The following WDHD1 variants were observed in gnomAD, a reference collection of about 807,000 sequenced individuals.
WDHD1 encodes WD repeat and HMG-box DNA binding protein 1, also known as WD repeat and HMG-box DNA-binding protein 1.
Under a neutral mutation model 135.4 loss-of-function variants are expected in WDHD1, and 111 were observed. That is an observed-to-expected ratio of 0.82 (90% CI 0.70 to 0.96). WDHD1 has a LOEUF of 0.96. Among genes scored for constraint, WDHD1 ranks in the 40% least tolerant of loss-of-function variants. WDHD1 has a pLI of 0.00. For missense variants in WDHD1, 1,351 were observed against 1,336.3 expected (o/e 1.01, Z -0.17); for synonymous variants, 434 against 439.0 (o/e 0.99, Z 0.14).
chr14:55,022,326 T>C (rs1475764141), intron 2 of WDHD1, among the ~76,000 whole-genome samples: 1 of 152,168 alleles, frequency 6.6e-6, no homozygotes, highest in Non-Finnish European at 1.5e-5. Flanking sequence ...TAATGGCAGT[T>C]CTGATCACAA....
chr14:54,951,585 T>G lies in WDHD1; in HGVS notation c.3050+3976A>C, dbSNP rs374442283. 3.9e-5 allele frequency among the ~76,000 whole-genome samples: 6 copies of G among 152,118 alleles called. No homozygotes were observed. The East Asian group carries it at 7.7e-4, about 20-fold the overall frequency. ...CTACCAGAGGTACAAGGAGGAGCTG[T>G]TACCATTCCTTCTGAAACTATTCCA... On this transcript the variant is annotated intron_variant, in intron 24 of 25. Coordinates refer to ENST00000360586, the MANE Select transcript of WDHD1 (RefSeq NM_007086.4).
chr14:54,947,413 A>G (rs1313275307), intron 24 of WDHD1, among the ~76,000 whole-genome samples: 2 of 152,212 alleles, frequency 1.3e-5, no homozygotes, highest in Non-Finnish European at 2.9e-5. Context: ...TCACTGTTTA[A>G]GACCTAAATT....
chr14:54,979,401 C>T (rs550147193), intron 16 of WDHD1, among the ~76,000 whole-genome samples: 2 of 152,322 alleles, frequency 1.3e-5, no homozygotes, highest in African/African-American at 4.8e-5. Flanking sequence ...AGCATTCCTC[C>T]CGCCTTGGGC....
At chr14:55,002,058 A>G (rs1335002403) in intron 8 of WDHD1, 35 bp downstream of exon 8, 16 of 1,465,904 alleles carry the variant, frequency 1.1e-5, no homozygotes, top group Non-Finnish European at 1.5e-5. Context: ...ACTGCTCCTT[A>G]TAGCCCACTG....
chr14:54,964,217 T>C (rs1425971863), intron 18 of WDHD1, among the ~76,000 whole-genome samples: 2 of 152,224 alleles, frequency 1.3e-5, no homozygotes, highest in Non-Finnish European at 2.9e-5. Context: ...ACTTAGATAT[T>C]CCATGTCTGA....
intron 16 of WDHD1, among the ~76,000 whole-genome samples, chr14:54,978,158 T>C (rs891821678): frequency 6.6e-6 from 1 of 152,204 alleles, no homozygotes; most frequent in Non-Finnish European, 1.5e-5. Flanking sequence ...AAAATCCTCA[T>C]AGGTTCAAAC....
intron 2 of WDHD1, among the ~76,000 whole-genome samples, chr14:55,018,796 C>T (rs2042299063): frequency 6.6e-6 from 1 of 152,188 alleles, no homozygotes; most frequent in African/African-American, 2.4e-5. Context: ...TGGCTCACGC[C>T]TGTAATCCCA....
Position 54,984,775 on chromosome 14 carries a change from A to G in WDHD1, c.1854T>C (p.Pro618=). Residue 618 remains proline, a synonymous_variant, in exon 15 of 26, where the codon CCT becomes CCC. Transcript: ENST00000360586. The part of the protein sequence containing the change: ...KKKKQILHGD[P]LPLTRKSYLA... ...GGTAGGATTTCCTTGTAAGAGGAAG[A>G]GGGTCACCATGCAAAATTTGTTTTT... The G allele has an allele frequency of 1.2e-6, 2 of 1,614,002 alleles. No homozygotes were observed. Among genetic ancestry groups the G allele is most frequent in the South Asian group, 1.1e-5 (1 of 91,062 alleles).
At chr14:54,994,481 T>C (rs2041845032) in intron 11 of WDHD1, among the ~76,000 whole-genome samples, 1 of 152,204 alleles carries the variant, frequency 6.6e-6, no homozygotes, top group Non-Finnish European at 1.5e-5. Flanking sequence ...GCATTTAAAA[T>C]ACATATTATC....
chr14:54,945,450 G>A (rs2040906981), intron 24 of WDHD1, among the ~76,000 whole-genome samples: 1 of 152,076 alleles, frequency 6.6e-6, no homozygotes, highest in South Asian at 2.1e-4. Context: ...GTGAGAAAAG[G>A]GAGGCTCAGA....
rs2041538430 is a variant in WDHD1 at position 54,977,117 on chromosome 14, C to G, written c.2063+4423G>C. ...TTTTTTGCCAATAAATAGATGTGTA[C>G]TCTCTACCAAATTACTTTAATCTTT... On this transcript the variant is annotated intron_variant, in intron 16 of 25. Transcript: ENST00000360586. Among the ~76,000 whole-genome samples, 2 of 151,550 alleles carry G rather than the reference C, an allele frequency of 1.3e-5. 1 individual carries two copies. The highest frequency in any genetic ancestry group is 4.2e-4 in the South Asian group (2 of 4,814).
chr14:54,988,329 A>G (rs1299354856), intron 13 of WDHD1, among the ~76,000 whole-genome samples: 1 of 152,184 alleles, frequency 6.6e-6, no homozygotes, highest in Non-Finnish European at 1.5e-5. Flanking sequence ...AATTAACTGC[A>G]AAGGGATATA....
chr14:54,957,694 CT>C, intron 21 of WDHD1, 59 bp from the exon 22 acceptor site: 1 of 1,362,582 alleles, frequency 7.3e-7, no homozygotes, highest in Non-Finnish European at 1.0e-6. Context: ...CTTCTGACAT[CT>C]ATAATACTAG....
intron 4 of WDHD1, among the ~76,000 whole-genome samples, chr14:55,008,998 T>C (rs1353362136): frequency 6.6e-6 from 1 of 152,136 alleles, no homozygotes; most frequent in African/African-American, 2.4e-5. Flanking sequence ...GGTTTCACCA[T>C]GTTGGTCAGG....
chr14:55,000,999 A>C lies in WDHD1; in HGVS notation c.694-7T>G. On this transcript the variant is annotated splice_polypyrimidine_tract_variant and splice_region_variant and intron_variant, in intron 8 of 25. Transcript: ENST00000360586. ...AGGTTACTATATTGAGGGTCTGTAA[A>C]GAAAAACAGTTAATAAATAATGATT... is the stretch of plus-strand genomic sequence containing the variant. 1 of 1,479,814 alleles carries C rather than the reference A, an allele frequency of 6.8e-7. No individual in the cohort carries two copies. The allele number at this position is 1,479,814 out of a possible 1,614,324, so 91.7% of individuals were successfully genotyped here.
chr14:54,989,240 T>C (rs1430252388), intron 12 of WDHD1, 28 bp from the exon 13 acceptor site: 6 of 1,565,764 alleles, frequency 3.8e-6, no homozygotes, highest in Non-Finnish European at 5.2e-6. Context: ...TAAATATAAG[T>C]CTGAGAAAAA....
intron 4 of WDHD1, among the ~76,000 whole-genome samples, chr14:55,009,935 C>T (rs1282636695): frequency 6.6e-6 from 1 of 152,130 alleles, no homozygotes; most frequent in Non-Finnish European, 1.5e-5. Context: ...ATTCTCCTGC[C>T]TCAGCTTCCC....
chr14:55,007,192 C>T, intron 7 of WDHD1, 88 bp downstream of exon 7: 1 of 1,051,952 alleles, frequency 9.5e-7, no homozygotes, highest in Non-Finnish European at 1.3e-6. Context: ...TGCACCACTG[C>T]ACTCCAGCAT....
At position 54,993,329 on chromosome 14, in the gene WDHD1, T is replaced by C. The variant is rs180685124; in HGVS notation, c.1154-1929A>G. ...GAGAGGAGGTCTCACTATGTTGCCC[T>C]GGCTGGTCTTGAACTCCTGGCCTCA... On this transcript the variant is annotated intron_variant, in intron 11 of 25. Transcript: ENST00000360586. 3.9e-5 allele frequency among the ~76,000 whole-genome samples: 6 copies of C among 152,200 alleles called. No homozygotes were observed. The East Asian group carries it at 9.6e-4, about 24-fold the overall frequency.
Sources: gnomAD v4.1 joint callset for allele counts (sites outside exome capture counted in the v4.1 genomes callset) on GRCh38, gnomAD v4.1.1 for gene constraint, MANE v1.5 for transcripts, NCBI Gene and HGNC (gene_info 2026-07-23, HGNC 2026-07-21) for gene names.